SACS: variants seen among roughly 807,000 people sequenced by gnomAD.
SACS encodes the protein sacsin molecular chaperone.
Under a neutral mutation model 348.0 loss-of-function variants are expected in SACS, and 197 were observed. The observed-to-expected ratio is 0.57, with a 90% CI of 0.50 to 0.64. The LOEUF (loss-of-function observed/expected upper bound fraction) is 0.64. Among genes scored for constraint, SACS ranks in the 30% least tolerant of loss-of-function variants. SACS has a pLI of 0.00. For missense variants in SACS, 4,999 were observed against 5,360.8 expected, an observed-to-expected ratio of 0.93 and a Z score of 2.11; for synonymous variants, 1,985 against 1,910.6, an observed-to-expected ratio of 1.04 and a Z score of -1.02.
intron 6 of SACS, among the ~76,000 whole-genome samples, chr13:23,358,752 G>GCC (rs1870549139): frequency 6.6e-6 from 1 of 151,902 alleles, no homozygotes; most frequent in African/African-American, 2.4e-5. Context: ...AAAACATAAG[G>GCC]CAAACAAGAA....
chr13:23,363,328 A>G (rs1413375277), intron 6 of SACS, among the ~76,000 whole-genome samples: 2 of 151,800 alleles, frequency 1.3e-5, no homozygotes, highest in Admixed American at 1.3e-4. Flanking sequence ...CCCAGGTTCA[A>G]GCGATTCTCC....
intron 2 of SACS, among the ~76,000 whole-genome samples, chr13:23,399,486 T>A: frequency 6.6e-6 from 1 of 152,216 alleles, no homozygotes; most frequent in Middle Eastern, 3.4e-3. Context: ...CAAACATGTC[T>A]TGTACTGTAA....
chr13:23,416,321 A>G (rs1197835102), intron 1 of SACS, among the ~76,000 whole-genome samples: 3 of 152,082 alleles, frequency 2.0e-5, no homozygotes, highest in African/African-American at 7.2e-5. Flanking sequence ...GGATAAACCC[A>G]AAGAAAATAG....
chr13:23,422,409 C>CT (rs1873989526), intron 1 of SACS, among the ~76,000 whole-genome samples: 2 of 152,046 alleles, frequency 1.3e-5, no homozygotes, highest in African/African-American at 4.8e-5. Context: ...GCTGTTAGGC[C>CT]CACATGTGAA....
Position 23,329,384 on chromosome 13 carries a change from T to C in SACS, c.*752A>G, listed in dbSNP as rs1883324842. On this transcript the variant is annotated 3_prime_UTR_variant, in exon 10 of 10. Coordinates refer to ENST00000382292, the MANE Select transcript of SACS (RefSeq NM_014363.6). ...AGCAAGTGTTCTAACAGTTAATAAATGTTGTCTTGGCAAGCAGTTTCCAGA... is the reference window on the plus strand; with the variant it reads ...AGCAAGTGTTCTAACAGTTAATAAACGTTGTCTTGGCAAGCAGTTTCCAGA... The C allele has an allele frequency of 2.7e-6, 2 of 744,336 alleles. No homozygotes were observed. Among genetic ancestry groups the C allele is most frequent in the South Asian group, 3.0e-5 (2 of 66,924 alleles). The allele number at this position is 744,336 out of a possible 1,614,324, so 46.1% of individuals were successfully genotyped here.
intron 5 of SACS, among the ~76,000 whole-genome samples, chr13:23,366,843 T>C (rs993362251): frequency 2.0e-5 from 3 of 152,160 alleles, no homozygotes; most frequent in Admixed American, 2.0e-4. Flanking sequence ...GCCACTAAGA[T>C]CTCTGGACCT....
At chr13:23,368,810 T>C (rs1200518598) in intron 4 of SACS, among the ~76,000 whole-genome samples, 2 of 152,026 alleles carry the variant, frequency 1.3e-5, no homozygotes, top group Non-Finnish European at 2.9e-5. Flanking sequence ...GCCATTCTCC[T>C]GCCTCAGCCT....
intron 2 of SACS, among the ~76,000 whole-genome samples, chr13:23,396,881 ACATT>A (rs1172403183): frequency 1.3e-5 from 2 of 152,194 alleles, no homozygotes; most frequent in African/African-American, 4.8e-5. Flanking sequence ...TAAGTAATAG[ACATT>A]CATTAGCAAT....
chr13:23,355,934 T>C lies in SACS; in HGVS notation c.678A>G (p.Glu226=). Residue 226 remains glutamate (E), a synonymous_variant, in exon 8 of 10, where the codon GAA becomes GAG. Coordinates refer to ENST00000382292, the MANE Select transcript of SACS (RefSeq NM_014363.6). ...DPHQTLFGPH[E]SGQCWNLKDD... ...CTTTGAGATTCCAACATTGGCCTGA[T>C]TCATGTGGGCCAAAAAGTGTTTGAT... 1.2e-6 allele frequency: 2 copies of C among 1,614,136 alleles called. No individual in the cohort carries two copies. Among genetic ancestry groups the C allele is most frequent in the African/African-American group, 1.3e-5 (1 of 75,066 alleles).
At chr13:23,391,617 G>A (rs569699976) in intron 2 of SACS, among the ~76,000 whole-genome samples, 2 of 152,162 alleles carry the variant, frequency 1.3e-5, no homozygotes, top group African/African-American at 4.8e-5. Context: ...AGTCCCTCGG[G>A]TCTAGAGGGT....
intron 2 of SACS, among the ~76,000 whole-genome samples, chr13:23,410,759 A>C (rs1873447718): frequency 6.6e-6 from 1 of 152,204 alleles, no homozygotes; most frequent in African/African-American, 2.4e-5. Flanking sequence ...AATTTGAGAA[A>C]AAGAGCAAGC....
chr13:23,410,682 A>G (rs895623065), intron 2 of SACS, among the ~76,000 whole-genome samples: 1 of 151,990 alleles, frequency 6.6e-6, no homozygotes, highest in Non-Finnish European at 1.5e-5. Flanking sequence ...ATAAATATAC[A>G]TACTTTTTTT....
intron 1 of SACS, among the ~76,000 whole-genome samples, chr13:23,431,419 G>C (rs1033763889): frequency 3.9e-5 from 6 of 152,174 alleles, no homozygotes; most frequent in African/African-American, 1.4e-4. Flanking sequence ...ACAATATCCT[G>C]AGTGTGAGTT....
In SACS at chr13:23,334,598, A is replaced by G. The variant is rs1246419740; in HGVS notation, c.9278T>C (p.Val3093Ala). Residue 3093 changes from valine to alanine, a missense_variant, in exon 10 of 10, where the codon GTG (valine) becomes GCG (alanine). By Grantham distance (64) the Val-to-Ala change is moderately conservative. Transcript: ENST00000382292. ...LIDADIPVSY[V>A]TPADIRSFLM... ...AAAAGATCTGATATCAGCAGGGGTCACATAACTAACAGGAATATCTGCATC... is the reference window on the plus strand; with the variant it reads ...AAAAGATCTGATATCAGCAGGGGTCGCATAACTAACAGGAATATCTGCATC... 1.9e-6 allele frequency: 3 copies of G among 1,613,462 alleles called. No homozygotes were observed. The highest frequency in any genetic ancestry group is 3.3e-5 in the Admixed American group (2 of 59,978).
At chr13:23,347,265 T>C (rs1869667745) in intron 9 of SACS, among the ~76,000 whole-genome samples, 2 of 152,018 alleles carry the variant, frequency 1.3e-5, no homozygotes, top group African/African-American at 2.4e-5. Context: ...AAGTGTACAA[T>C]TAATTCCAAC....
chr13:23,429,427 A>AT (rs1676496751), intron 1 of SACS, among the ~76,000 whole-genome samples: 1 of 125,058 alleles, frequency 8.0e-6, no homozygotes, highest in African/African-American at 3.0e-5. Context: ...CAGTGGTGCG[A>AT]TATCGGCTCA....
chr13:23,333,776 T>C lies in SACS; in HGVS notation c.10100A>G (p.Tyr3367Cys). Reference protein sequence around the residue: ...SPTSILKALHYMVQTSTFRAE... With the variant: ...SPTSILKALHCMVQTSTFRAE... ...TCTAAATGTTGAAGTTTGGACCATA[T>C]AATGTAGAGCCTTCAAGATGCTTGT... The change falls in exon 10 of 10, where the codon TAT (tyrosine) becomes TGT (cysteine). Residue 3367 changes from tyrosine (Y) to cysteine (C), a missense_variant. By Grantham distance (194) the Tyr-to-Cys change is radical (BLOSUM62 -2). Coordinates refer to ENST00000382292, the MANE Select transcript of SACS (RefSeq NM_014363.6). 6.2e-7 allele frequency: 1 copy of C among 1,613,846 alleles called. No homozygotes were observed. The highest frequency in any genetic ancestry group is 8.5e-7 in the Non-Finnish European group (1 of 1,179,810).
chr13:23,352,707 A>C (rs1467310442), intron 9 of SACS, among the ~76,000 whole-genome samples: 1 of 152,208 alleles, frequency 6.6e-6, no homozygotes, highest in Non-Finnish European at 1.5e-5. Flanking sequence ...CCAGGCTTAG[A>C]CTTTCAAAAA....
At position 23,355,704 on chromosome 13, in the gene SACS, G is replaced by A. The variant is rs1870334292; in HGVS notation, c.908C>T (p.Ala303Val). Reference protein sequence around the residue: ...LELFESFRADADTVLLFLKSV... With the variant: ...LELFESFRADVDTVLLFLKSV... ...TTTCAGAAAGAGCAGCACTGTGTCT[G>A]CATCTGCCCTAAAAGACTCAAACAA... is the stretch of plus-strand genomic sequence containing the variant. The change falls in exon 8 of 10, where the codon GCA (alanine) becomes GTA (valine). Residue 303 changes from alanine to valine, a missense_variant. Coordinates refer to ENST00000382292, the MANE Select transcript of SACS (RefSeq NM_014363.6). 8.7e-6 allele frequency: 14 copies of A among 1,614,142 alleles called. No individual in the cohort carries two copies. Among genetic ancestry groups the A allele is most frequent in the Non-Finnish European group, 1.2e-5 (14 of 1,180,020 alleles).
Sources: allele counts gnomAD v4.1 joint callset (sites outside exome capture counted in the v4.1 genomes callset), GRCh38; gene constraint gnomAD v4.1.1; transcripts MANE v1.5; gene names NCBI Gene and HGNC (gene_info 2026-07-23, HGNC 2026-07-21).